ZFHX3: variants seen among roughly 807,000 people sequenced by gnomAD.
ZFHX3 encodes zinc finger homeobox protein 3.
Under a neutral mutation model 279.1 loss-of-function variants are expected in ZFHX3, and 42 were observed. The ratio of observed to expected loss-of-function variants is 0.15; its 90% CI spans 0.12 to 0.19. The LOEUF (loss-of-function observed/expected upper bound fraction) is 0.19, where lower values mean the gene tolerates loss of function less well. Ranked by LOEUF, ZFHX3 falls within the 10% of genes least tolerant of loss-of-function variation. ZFHX3 has a pLI of 1.00. For missense variants in ZFHX3, 4,981 were observed against 4,754.0 expected (o/e 1.05, Z -1.40); for synonymous variants, 2,293 against 1,957.8 (o/e 1.17, Z -4.52).
At chr16:73,854,830 T>C (rs1961682442) in intron 1 of ZFHX3, among the ~76,000 whole-genome samples, 1 of 151,382 alleles carries the variant, frequency 6.6e-6, no homozygotes, top group South Asian at 2.1e-4. Context: ...ACTTACCATA[T>C]TGCACTTGTA....
rs2018342923 is a variant in ZFHX3 at position 73,454,746 on chromosome 16, G to A, written c.-1291+1257C>T. On this transcript the variant is annotated intron_variant, in intron 3 of 17. Transcript: ENST00000641206. ...GTGTGTGGCTCAGGGAGAGGAGCGA[G>A]ACTACAAACACAAAAGCAAAGATAT... Among the ~76,000 whole-genome samples, 3 of 152,008 alleles carry A rather than the reference G, an allele frequency of 2.0e-5. No homozygotes were observed. In the South Asian group the frequency reaches 6.2e-4, roughly 32 times the overall value.
intron 1 of ZFHX3, among the ~76,000 whole-genome samples, chr16:73,865,563 CT>C (rs1383218024): frequency 1.3e-5 from 2 of 152,236 alleles, no homozygotes; most frequent in South Asian, 2.1e-4. Context: ...ACAATTGCAC[CT>C]TGTTTATTTT....
intron 2 of ZFHX3, among the ~76,000 whole-genome samples, chr16:73,590,243 A>G (rs1206929093): frequency 6.6e-6 from 1 of 152,208 alleles, no homozygotes; most frequent in Admixed American, 6.5e-5. Context: ...AAAGACTCCT[A>G]AAAACCATAA....
chr16:73,111,382 A>C (rs1966371361), intron 7 of ZFHX3, among the ~76,000 whole-genome samples: 1 of 152,252 alleles, frequency 6.6e-6, no homozygotes. Flanking sequence ...TAGGGGAAGC[A>C]GCCACTATTT....
At chr16:73,890,396 GC>G (rs796247130) in intron 1 of ZFHX3, among the ~76,000 whole-genome samples, 19 of 152,228 alleles carry the variant, frequency 1.2e-4, no homozygotes, top group African/African-American at 4.6e-4. Flanking sequence ...GCAACTAGCC[GC>G]CTGAGAATTT....
At chr16:73,374,394 G>T (rs2016686432) in intron 3 of ZFHX3, among the ~76,000 whole-genome samples, 1 of 94,552 alleles carries the variant, frequency 1.1e-5, no homozygotes, top group African/African-American at 3.4e-5. Context: ...GCCATTCAAG[G>T]CCAGTCCTGG....
intron 1 of ZFHX3, among the ~76,000 whole-genome samples, chr16:73,731,650 A>ACTCCTT: frequency 3.0e-4 from 1 of 3,336 alleles, no homozygotes; most frequent in Non-Finnish European, 1.4e-3. Context: ...TTCGGGGTGA[A>ACTCCTT]AAAAAACCCA....
chr16:73,270,990 T>C (rs748184473), intron 4 of ZFHX3, among the ~76,000 whole-genome samples: 6 of 152,216 alleles, frequency 3.9e-5, no homozygotes, highest in Admixed American at 2.0e-4. Context: ...ATTTTTTAAA[T>C]TGGTGATTTC....
At chr16:73,639,643 T>C (rs1472047455) in intron 2 of ZFHX3, among the ~76,000 whole-genome samples, 1 of 152,176 alleles carries the variant, frequency 6.6e-6, no homozygotes, top group Non-Finnish European at 1.5e-5. Context: ...TTTAATGGCA[T>C]TAAAAGCAAG....
intron 3 of ZFHX3, among the ~76,000 whole-genome samples, chr16:72,942,097 T>C (rs1313290735): frequency 6.6e-6 from 1 of 152,226 alleles, no homozygotes; most frequent in African/African-American, 2.4e-5. Context: ...TGTTCCCTTA[T>C]GATTTCCCTT....
intron 3 of ZFHX3, among the ~76,000 whole-genome samples, chr16:73,323,986 T>C (rs537716229): frequency 2.6e-5 from 4 of 152,346 alleles, no homozygotes; most frequent in Admixed American, 1.3e-4. Context: ...CTTACTGTGA[T>C]AACACCTCCT....
intron 1 of ZFHX3, among the ~76,000 whole-genome samples, chr16:73,878,087 C>T (rs1270226940): frequency 1.3e-5 from 2 of 151,854 alleles, no homozygotes; most frequent in Non-Finnish European, 1.5e-5. Context: ...GTGAGGGACC[C>T]TCATTTAATA....
At chr16:73,299,154 A>G (rs7190874) in intron 4 of ZFHX3, among the ~76,000 whole-genome samples, 1 of 152,222 alleles carries the variant, frequency 6.6e-6, no homozygotes, top group African/African-American at 2.4e-5. Context: ...GAGCCCTACT[A>G]CAATAGTCCT....
intron 1 of ZFHX3, among the ~76,000 whole-genome samples, chr16:72,984,992 G>A (rs544313255): frequency 4.6e-5 from 7 of 151,836 alleles, no homozygotes; most frequent in Non-Finnish European, 7.4e-5. Context: ...ATTAAAAGAG[G>A]AAAAAAACAA....
intron 1 of ZFHX3, among the ~76,000 whole-genome samples, chr16:73,782,333 G>A (rs989220269): frequency 6.6e-6 from 1 of 152,212 alleles, no homozygotes; most frequent in South Asian, 2.1e-4. Context: ...ACGCTTTGGA[G>A]AATCTGTCAA....
intron 1 of ZFHX3, among the ~76,000 whole-genome samples, chr16:73,862,358 C>T (rs1961904096): frequency 6.6e-6 from 1 of 152,202 alleles, no homozygotes; most frequent in Non-Finnish European, 1.5e-5. Flanking sequence ...CCATCAACTA[C>T]ATATTGGAAA....
intron 3 of ZFHX3, among the ~76,000 whole-genome samples, chr16:73,335,975 C>A (rs899132958): frequency 9.9e-5 from 15 of 152,196 alleles, no homozygotes; most frequent in African/African-American, 3.6e-4. Flanking sequence ...TCTTTTTCTT[C>A]TAGTTCAATG....
chr16:73,828,091 TA>T (rs1960906671), intron 1 of ZFHX3, among the ~76,000 whole-genome samples: 1 of 62,366 alleles, frequency 1.6e-5, no homozygotes. Flanking sequence ...GGTGCTCCTG[TA>T]TTGGGTGCAT....
rs34917527 is a variant in ZFHX3, at chr16:73,423,861, C to CA, written c.-1291+32141dup. Among the ~76,000 whole-genome samples, 108 of 136,734 alleles carry CA rather than the reference C, an allele frequency of 7.9e-4. 1 individual carries two copies. Among genetic ancestry groups the CA allele is most frequent in the Admixed American group, 2.6e-3 (35 of 13,572 alleles). 89.7% of individuals were successfully genotyped at this position (136,734 alleles called of 152,430 possible). On this transcript the variant is annotated intron_variant, in intron 3 of 17. Transcript: ENST00000641206. ...TGTGAGACAGGGTGAGACTCCATCT[C>CA]AAAAAAAAAAAAAAAAAGTGAGAGA...
Sources: gnomAD v4.1 joint callset for allele counts (sites outside exome capture counted in the v4.1 genomes callset) on GRCh38, gnomAD v4.1.1 for gene constraint, MANE v1.5 for transcripts, NCBI Gene and HGNC (gene_info 2026-07-23, HGNC 2026-07-21) for gene names.